Variants in MYO16 observed in about 807,000 individuals in gnomAD.
MYO16 encodes the protein unconventional myosin-XVI.
In MYO16, 94 loss-of-function variants were observed where a neutral mutation model predicts 205.3. The observed-to-expected ratio is 0.46, with a 90% CI of 0.39 to 0.54. The LOEUF is 0.54. Ranked by LOEUF, MYO16 falls within the 20% of genes least tolerant of loss-of-function variation. The probability of loss-of-function intolerance (pLI) is 0.00; values close to 1 mark genes in which losing one functional copy is unlikely to be tolerated. For synonymous variants in MYO16, 988 were observed against 954.0 expected (o/e 1.04, Z -0.66); for missense variants, 2,315 against 2,387.5 (o/e 0.97, Z 0.63).
intron 16 of MYO16, among the ~76,000 whole-genome samples, chr13:108,938,308 G>T (rs1882579471): frequency 6.6e-6 from 1 of 152,148 alleles, no homozygotes; most frequent in African/African-American, 2.4e-5. Flanking sequence ...CTTGCTTATT[G>T]TTTGCTGGCT....
At chr13:108,695,294 A>G (rs997784422) in intron 2 of MYO16, among the ~76,000 whole-genome samples, 3 of 152,142 alleles carry the variant, frequency 2.0e-5, no homozygotes, top group African/African-American at 4.8e-5. Flanking sequence ...TTCCTCATTG[A>G]ATGATCTTGG....
intron 23 of MYO16, among the ~76,000 whole-genome samples, chr13:109,023,670 A>AATATATGTATATATGCATATATATGT (rs1447498346): frequency 1.5e-5 from 1 of 64,874 alleles, no homozygotes; most frequent in Non-Finnish European, 3.2e-5. Flanking sequence ...TATATATGCA[A>AATATATGTATATATGCATATATATGT]ATATATGTAT....
chr13:108,794,257 A>C (rs1192410621), intron 6 of MYO16, among the ~76,000 whole-genome samples: 4 of 152,130 alleles, frequency 2.6e-5, no homozygotes, highest in Non-Finnish European at 5.9e-5. Flanking sequence ...AATAATCTGT[A>C]CATCAAGCCA....
At chr13:109,093,327 C>T (rs1888677331) in intron 27 of MYO16, among the ~76,000 whole-genome samples, 1 of 152,148 alleles carries the variant, frequency 6.6e-6, no homozygotes, top group Non-Finnish European at 1.5e-5. Context: ...CATTCCGCAC[C>T]ATCACAGAAG....
intron 5 of MYO16, among the ~76,000 whole-genome samples, chr13:108,791,876 C>T (rs1246002055): frequency 6.6e-6 from 1 of 152,218 alleles, no homozygotes; most frequent in Non-Finnish European, 1.5e-5. Flanking sequence ...TCAGGAGCAT[C>T]AATCCAGAGT....
At chr13:108,769,384 T>C (rs1348876933) in intron 4 of MYO16, among the ~76,000 whole-genome samples, 1 of 152,034 alleles carries the variant, frequency 6.6e-6, no homozygotes, top group Non-Finnish European at 1.5e-5. Context: ...CGCTAGAGGC[T>C]GGTGGAAGTG....
chr13:109,135,747 G>C (rs1298270084), intron 31 of MYO16, among the ~76,000 whole-genome samples: 1 of 152,160 alleles, frequency 6.6e-6, no homozygotes, highest in African/African-American at 2.4e-5. Context: ...TAAAAGCTTT[G>C]TGACTTTCTT....
At chr13:108,779,305 C>T (rs577322474) in intron 4 of MYO16, among the ~76,000 whole-genome samples, 33 of 152,236 alleles carry the variant, frequency 2.2e-4, no homozygotes, top group Middle Eastern at 6.8e-3. Context: ...TACCACCAAT[C>T]ATTTGAAAAA....
At chr13:108,649,549 G>A (rs907111478) in intron 1 of MYO16, among the ~76,000 whole-genome samples, 4 of 152,202 alleles carry the variant, frequency 2.6e-5, no homozygotes, top group Non-Finnish European at 5.9e-5. Flanking sequence ...AATAAGGATG[G>A]AAGATATATG....
At chr13:109,101,739 C>CA (rs751496084) in intron 28 of MYO16, 1 of 152,014 alleles carries the variant, frequency 6.6e-6, no homozygotes, top group Non-Finnish European at 1.5e-5. Flanking sequence ...GCATAGGTGG[C>CA]AAAAACAAAT....
At chr13:108,554,742 C>T in the MYO16 span, among the ~76,000 whole-genome samples, 6 of 147,634 alleles carry the variant, frequency 4.1e-5, no homozygotes, top group African/African-American at 1.5e-4. Context: ...CCCAGCTACT[C>T]GGGAGGCTGA....
At chr13:108,988,932 G>A (rs1270079216) in intron 20 of MYO16, among the ~76,000 whole-genome samples, 4 of 152,056 alleles carry the variant, frequency 2.6e-5, no homozygotes, top group South Asian at 2.1e-4. Context: ...TCCCTGCATC[G>A]GCAGCATCTC....
chr13:108,678,899 G>T lies in MYO16; in HGVS notation c.292+12750G>T, dbSNP rs186939343. On this transcript the variant is annotated intron_variant, in intron 2 of 34. Coordinates refer to ENST00000457511, the MANE Select transcript of MYO16 (RefSeq NM_001198950.3). ...CAGGCTGGGAAGTCCAAGGTCGGGG[G>T]TCTGGCAAGTTTGATGTCTGGTGAG... Among the ~76,000 whole-genome samples the T allele has an allele frequency of 5.9e-5, 9 of 152,282 alleles. No individual in the cohort carries two copies. In the East Asian group the frequency reaches 1.2e-3, roughly 20 times the overall value.
chr13:108,737,575 T>C (rs1437169295), intron 4 of MYO16, among the ~76,000 whole-genome samples: 1 of 152,242 alleles, frequency 6.6e-6, no homozygotes, highest in Non-Finnish European at 1.5e-5. Context: ...TCAATGTTCA[T>C]CAAGGATATT....
intron 4 of MYO16, among the ~76,000 whole-genome samples, chr13:108,743,771 C>G (rs889198154): frequency 4.6e-5 from 7 of 152,202 alleles, no homozygotes; most frequent in African/African-American, 1.4e-4. Context: ...CCAAAGCATT[C>G]TGTCATAGCT....
the MYO16 span, among the ~76,000 whole-genome samples, chr13:108,516,432 T>G: frequency 6.6e-6 from 1 of 152,196 alleles, no homozygotes; most frequent in African/African-American, 2.4e-5. Context: ...AAATCACCCG[T>G]CTTCTGCGTC....
intron 34 of MYO16, among the ~76,000 whole-genome samples, chr13:109,195,011 CTA>C (rs1366259864): frequency 6.6e-6 from 1 of 151,356 alleles, no homozygotes; most frequent in South Asian, 2.1e-4. Flanking sequence ...TTACTCATAA[CTA>C]TGTGTGGAGA....
the MYO16 span, among the ~76,000 whole-genome samples, chr13:108,516,412 G>A: frequency 6.6e-6 from 1 of 152,074 alleles, no homozygotes; most frequent in Non-Finnish European, 1.5e-5. Context: ...TACCTCAGAT[G>A]GAAATGCAGA....
chr13:108,951,829 G>T (rs970123010), intron 16 of MYO16, among the ~76,000 whole-genome samples: 2 of 152,270 alleles, frequency 1.3e-5, no homozygotes, highest in East Asian at 1.9e-4. Flanking sequence ...TCGGCCTGGC[G>T]TGGTGGCGCA....
Sources: allele counts gnomAD v4.1 joint callset (sites outside exome capture counted in the v4.1 genomes callset), GRCh38; gene constraint gnomAD v4.1.1; transcripts MANE v1.5; gene names NCBI Gene and HGNC (gene_info 2026-07-23, HGNC 2026-07-21).